The following AP3S2 variants were observed in gnomAD, a reference collection of about 807,000 sequenced individuals.
AP3S2 encodes adaptor related protein complex 3 subunit sigma 2.
In AP3S2, 22 loss-of-function variants were observed where a neutral mutation model predicts 23.4. The observed-to-expected ratio is 0.94, with a 90% CI of 0.67 to 1.34. AP3S2 has a LOEUF of 1.34. AP3S2 is among the 40% of genes most tolerant of loss of function. AP3S2 has a pLI of 0.00. For synonymous variants in AP3S2, 86 were observed against 87.1 expected, an observed-to-expected ratio of 0.99 and a Z score of 0.07; for missense variants, 241 against 236.9, an observed-to-expected ratio of 1.02 and a Z score of -0.11.
chr15:89,865,483 G>A (rs1310507091), intron 4 of AP3S2: 1 of 152,200 alleles, frequency 6.6e-6, no homozygotes, highest in African/African-American at 2.4e-5. Context: ...ACAGAGCACT[G>A]GGAACACTCA....
chr15:89,845,564 G>A (rs1895466321), intron 4 of AP3S2: 1 of 152,370 alleles, frequency 6.6e-6, no homozygotes, highest in Admixed American at 6.5e-5. Flanking sequence ...TGGAGATAGA[G>A]TCAGGGCACA....
intron 4 of AP3S2, among the ~76,000 whole-genome samples, chr15:89,843,855 A>G (rs1233597644): frequency 6.6e-6 from 1 of 152,190 alleles, no homozygotes; most frequent in Non-Finnish European, 1.5e-5. Context: ...GCAAAAACTT[A>G]CGGTGAGCAC....
intron 4 of AP3S2, among the ~76,000 whole-genome samples, chr15:89,840,808 A>C (rs917954864): frequency 2.6e-5 from 4 of 152,214 alleles, no homozygotes; most frequent in African/African-American, 4.8e-5. Flanking sequence ...TGTCATGTAT[A>C]TTAGCAGCAG....
At chr15:89,846,981 T>C (rs1895509428) in intron 4 of AP3S2, among the ~76,000 whole-genome samples, 1 of 152,168 alleles carries the variant, frequency 6.6e-6, no homozygotes, top group Non-Finnish European at 1.5e-5. Flanking sequence ...TCATTTTTTC[T>C]TTTCTAGGAT....
At chr15:89,887,417 G>C (rs1896724744) in intron 3 of AP3S2, among the ~76,000 whole-genome samples, 1 of 151,986 alleles carries the variant, frequency 6.6e-6, no homozygotes, top group Non-Finnish European at 1.5e-5. Context: ...TGTCACCCAG[G>C]CTGGAGTGCA....
chr15:89,884,650 C>CTTT (rs200193395), intron 3 of AP3S2, among the ~76,000 whole-genome samples: 2 of 142,028 alleles, frequency 1.4e-5, no homozygotes, highest in Non-Finnish European at 1.5e-5. Context: ...ACATCTTCCC[C>CTTT]TTTTTTTTTT....
At chr15:89,886,147 G>C (rs1019707037) in intron 3 of AP3S2, among the ~76,000 whole-genome samples, 1 of 151,866 alleles carries the variant, frequency 6.6e-6, no homozygotes, top group African/African-American at 2.4e-5. Flanking sequence ...TCAGGATATC[G>C]AGACCATCTT....
chr15:89,837,967 G>C (rs1895237296), intron 4 of AP3S2: 2 of 421,608 alleles, frequency 4.7e-6, no homozygotes, highest in South Asian at 5.3e-5. Flanking sequence ...TTCAAAGTCT[G>C]ACAGCTCTTG....
rs1895352583 is a variant in AP3S2 at position 89,842,454 on chromosome 15, G to T, written c.346-4732C>A. Among the ~76,000 whole-genome samples, 3 of 152,158 alleles carry T rather than the reference G, an allele frequency of 2.0e-5. No individual in the cohort carries two copies. In the South Asian group the frequency reaches 6.2e-4, roughly 31 times the overall value. On this transcript the variant is annotated intron_variant, in intron 4 of 5. Transcript: ENST00000336418. Reference sequence around the variant, plus strand: ...AGGCAGTACCAAGATACACCTTTAGGTAAGGTTTCTGGGTTCCTGCAACCA... The same window carrying T: ...AGGCAGTACCAAGATACACCTTTAGTTAAGGTTTCTGGGTTCCTGCAACCA...
chr15:89,854,906 GGGT>G (rs1343988868), intron 4 of AP3S2, among the ~76,000 whole-genome samples: 2 of 47,784 alleles, frequency 4.2e-5, no homozygotes, highest in African/African-American at 7.8e-5. Context: ...GGGGGGGGGG[GGGT>G]TGGCCCCCCT....
At chr15:89,893,816 G>A (rs1896875080) in intron 1 of AP3S2, 65 bp downstream of exon 1, 4 of 1,520,708 alleles carry the variant, frequency 2.6e-6, no homozygotes, top group Non-Finnish European at 3.6e-6. Flanking sequence ...GCGCCGAGAG[G>A]CCAAAGAGGA....
intron 4 of AP3S2, among the ~76,000 whole-genome samples, chr15:89,848,383 CAG>C (rs1895547642): frequency 6.6e-6 from 1 of 152,086 alleles, no homozygotes; most frequent in Non-Finnish European, 1.5e-5. Flanking sequence ...TTATTTGATA[CAG>C]AGTCTCGCTC....
intron 4 of AP3S2, among the ~76,000 whole-genome samples, chr15:89,841,662 C>T (rs933824802): frequency 2.0e-5 from 3 of 152,082 alleles, no homozygotes; most frequent in East Asian, 1.9e-4. Context: ...TTGCCTATCT[C>T]GATTGGCTGG....
intron 4 of AP3S2, among the ~76,000 whole-genome samples, chr15:89,854,537 C>T (rs1596197164): frequency 2.4e-5 from 2 of 84,838 alleles, no homozygotes; most frequent in Admixed American, 2.0e-4. Flanking sequence ...GTCAGCCCCC[C>T]GCCCGGCCAG....
At chr15:89,861,016 C>T (rs899392060) in intron 4 of AP3S2, among the ~76,000 whole-genome samples, 7 of 152,232 alleles carry the variant, frequency 4.6e-5, no homozygotes, top group African/African-American at 1.7e-4. Context: ...GACCTGCAGT[C>T]AGGACATCTG....
At chr15:89,872,318 T>C (rs1410036511) in intron 3 of AP3S2, among the ~76,000 whole-genome samples, 1 of 152,170 alleles carries the variant, frequency 6.6e-6, no homozygotes, top group Non-Finnish European at 1.5e-5. Context: ...GTCAGTTATT[T>C]AGCCTACAAA....
At chr15:89,884,233 T>G (rs1896640583) in intron 3 of AP3S2, among the ~76,000 whole-genome samples, 1 of 152,206 alleles carries the variant, frequency 6.6e-6, no homozygotes, top group Non-Finnish European at 1.5e-5. Context: ...CTAATTTTTA[T>G]TATATTAGTT....
chr15:89,863,843 T>TCTTAGGACAAGGCTTTTGC (rs1394828994), intron 4 of AP3S2, among the ~76,000 whole-genome samples: 21 of 152,364 alleles, frequency 1.4e-4, no homozygotes, highest in African/African-American at 5.1e-4. Context: ...GTTCCTATTG[T>TCTTAGGACAAGGCTTTTGC]CTTAGGACAA....
Position 89,858,489 on chromosome 15 carries a change from AAGAAAG to A in AP3S2, c.345+12980_345+12985del, listed in dbSNP as rs1293578167. On this transcript the variant is annotated intron_variant, in intron 4 of 5. Coordinates refer to ENST00000336418, the MANE Select transcript of AP3S2 (RefSeq NM_005829.5). ...AAAGAAAGAAAGAAAGAAAGAAAGAAAGAAAGAGAGAGAGAGAGAGAGAGAGAGAGA... is the reference window on the plus strand; with the variant it reads ...AAAGAAAGAAAGAAAGAAAGAAAGAAAGAGAGAGAGAGAGAGAGAGAGAGA... 3.9e-3 allele frequency among the ~76,000 whole-genome samples: 162 copies of A among 41,802 alleles called. 1 individual carries two copies. The highest frequency in any genetic ancestry group is 0.031 in the South Asian group (44 of 1,406). 27.4% of individuals were successfully genotyped at this position (41,802 alleles called of 152,430 possible). A position where few individuals can be genotyped will look rare whatever the true frequency, so the allele number is the denominator to read the frequency against.
Sources: gnomAD v4.1 joint callset for allele counts (sites outside exome capture counted in the v4.1 genomes callset) on GRCh38, gnomAD v4.1.1 for gene constraint, MANE v1.5 for transcripts, NCBI Gene and HGNC (gene_info 2026-07-23, HGNC 2026-07-21) for gene names.